Variants in NRXN1 observed in about 807,000 individuals in gnomAD.
NRXN1 encodes the protein neurexin 1.
In NRXN1, 39 loss-of-function variants were observed where a neutral mutation model predicts 150.9. The observed-to-expected ratio is 0.26, with a 90% CI of 0.20 to 0.34. The LOEUF is 0.34. NRXN1 is among the 10% of genes least tolerant of loss of function. The pLI is 1.00. For missense variants in NRXN1, 1,815 were observed against 1,949.9 expected (o/e 0.93, Z 1.30); for synonymous variants, 924 against 757.0 (o/e 1.22, Z -3.62).
At position 50,014,100 on chromosome 2, in the gene NRXN1, T is replaced by A. The variant is rs79204762; in HGVS notation, c.4128+39171A>T. Among the ~76,000 whole-genome samples the A allele has an allele frequency of 3.3e-5, 5 of 151,654 alleles. No homozygotes were observed. The East Asian group carries it at 5.8e-4, about 18-fold the overall frequency. The stretch of plus-strand genomic sequence containing the variant: ...GTGTCTAGACTAAAGAGCTTGTTTT[T>A]TTTTTGTTTTTGTTTTTGTTTTTAG... On this transcript the variant is annotated intron_variant, in intron 21 of 22. Transcript: ENST00000401669.
chr2:50,423,368 C>T (rs1572913826), intron 17 of NRXN1, among the ~76,000 whole-genome samples: 1 of 152,110 alleles, frequency 6.6e-6, no homozygotes, highest in African/African-American at 2.4e-5. Context: ...CCCTACCTTG[C>T]CTGACTTTTC....
At chr2:50,492,343 A>G (rs2091299178) in intron 15 of NRXN1, among the ~76,000 whole-genome samples, 1 of 152,198 alleles carries the variant, frequency 6.6e-6, no homozygotes, top group Non-Finnish European at 1.5e-5. Context: ...GTCATGAGAG[A>G]TAAGCTGAAC....
intron 5 of NRXN1, among the ~76,000 whole-genome samples, chr2:50,750,795 C>T (rs1331494596): frequency 6.6e-6 from 1 of 151,944 alleles, no homozygotes; most frequent in Non-Finnish European, 1.5e-5. Flanking sequence ...ATATGTTTCA[C>T]CTTTGTAGTT....
Position 49,942,625 on chromosome 2 carries a change from T to TATTATTATTA in NRXN1, c.4216+1078_4216+1079insTAATAATAAT, listed in dbSNP as rs1672198729. On this transcript the variant is annotated intron_variant, in intron 22 of 22. Transcript: ENST00000401669. Reference sequence around the variant, plus strand: ...ATTATTATTATTATTTTATTATTATTTTGAGACAAAATCCCACTCTGTCAC... The same window carrying TATTATTATTA: ...ATTATTATTATTATTTTATTATTATTATTATTATTATTGAGACAAAATCCCACTCTGTCAC... Among the ~76,000 whole-genome samples, 4 of 151,622 alleles carry TATTATTATTA rather than the reference T, an allele frequency of 2.6e-5. No individual in the cohort carries two copies. In the South Asian group the frequency reaches 8.3e-4, roughly 31 times the overall value.
At chr2:50,747,982 C>G (rs1047862839) in intron 5 of NRXN1, among the ~76,000 whole-genome samples, 17 of 152,230 alleles carry the variant, frequency 1.1e-4, no homozygotes, top group African/African-American at 4.1e-4. Context: ...CTGCTATGAC[C>G]AGCAGTCTCT....
At chr2:50,100,529 T>C (rs1041667029) in intron 18 of NRXN1, among the ~76,000 whole-genome samples, 10 of 152,146 alleles carry the variant, frequency 6.6e-5, no homozygotes, top group African/African-American at 2.2e-4. Flanking sequence ...CAATTTTGTT[T>C]CACTAATAAA....
Position 50,169,255 on chromosome 2 carries a change from C to T in NRXN1, c.3546+67534G>A, listed in dbSNP as rs566557290. ...AGTATTCAAAAGTAGGTAATTTGGC[C>T]AAAAGTGTCCACTCTTAATTATACC... On this transcript the variant is annotated intron_variant, in intron 18 of 22. Coordinates refer to ENST00000401669, the MANE Select transcript of NRXN1 (RefSeq NM_001330078.2). 3.9e-5 allele frequency among the ~76,000 whole-genome samples: 6 copies of T among 152,154 alleles called. No homozygotes were observed. The East Asian group carries it at 9.7e-4, about 24-fold the overall frequency.
intron 21 of NRXN1, among the ~76,000 whole-genome samples, chr2:50,049,501 T>A (rs1220033134): frequency 6.6e-6 from 1 of 152,192 alleles, no homozygotes; most frequent in African/African-American, 2.4e-5. Context: ...TCATTCATCA[T>A]GCTCTTTCCA....
At chr2:49,998,980 C>G (rs1371403558) in intron 21 of NRXN1, among the ~76,000 whole-genome samples, 1 of 152,092 alleles carries the variant, frequency 6.6e-6, no homozygotes, top group African/African-American at 2.4e-5. Context: ...AGGCAAATTA[C>G]CTTGTACTAG....
At chr2:50,118,254 G>A (rs1355094367) in intron 18 of NRXN1, among the ~76,000 whole-genome samples, 1 of 152,158 alleles carries the variant, frequency 6.6e-6, no homozygotes, top group Non-Finnish European at 1.5e-5. Flanking sequence ...CAGTAGATCT[G>A]GAGTGGGCCT....
At chr2:50,675,532 G>C (rs778004682) in intron 5 of NRXN1, among the ~76,000 whole-genome samples, 12 of 152,124 alleles carry the variant, frequency 7.9e-5, no homozygotes, top group Non-Finnish European at 1.6e-4. Context: ...ATTTGCATTT[G>C]GCCAGTGGAG....
intron 2 of NRXN1, among the ~76,000 whole-genome samples, chr2:50,936,267 AGAAC>A (rs1688532127): frequency 6.6e-6 from 1 of 152,196 alleles, no homozygotes; most frequent in African/African-American, 2.4e-5. Context: ...CCCTGGTATT[AGAAC>A]AACTTGAAAG....
intron 17 of NRXN1, among the ~76,000 whole-genome samples, chr2:50,354,554 C>CATACATAT (rs1553484596): frequency 1.0e-5 from 1 of 100,132 alleles, no homozygotes; most frequent in African/African-American, 4.0e-5. Context: ...AGAGTGCATA[C>CATACATAT]ATATATATAT....
intron 17 of NRXN1, among the ~76,000 whole-genome samples, chr2:50,326,230 T>C (rs2076376187): frequency 6.6e-6 from 1 of 152,192 alleles, no homozygotes; most frequent in African/African-American, 2.4e-5. Flanking sequence ...ATGAATTGAA[T>C]AAATGCCAGG....
chr2:50,886,706 G>A (rs749811157), intron 5 of NRXN1, among the ~76,000 whole-genome samples: 24 of 151,358 alleles, frequency 1.6e-4, no homozygotes, highest in Non-Finnish European at 2.7e-4. Flanking sequence ...CTGAGAAACA[G>A]TAAGCTGACT....
chr2:50,679,457 C>A (rs1690039319), intron 5 of NRXN1, among the ~76,000 whole-genome samples: 1 of 151,558 alleles, frequency 6.6e-6, no homozygotes, highest in African/African-American at 2.4e-5. Context: ...TTAGCTCTCC[C>A]AGAATCAAGA....
rs576465292 is a variant in NRXN1 at position 50,274,706 on chromosome 2, A to C, written c.3365-37736T>G. Among the ~76,000 whole-genome samples, 3 of 152,300 alleles carry C rather than the reference A, an allele frequency of 2.0e-5. No homozygotes were observed. The South Asian group carries it at 6.2e-4, about 32-fold the overall frequency. ...TATTGCCTCCATTTTTTAATCTCTA[A>C]AATGAGCATAGGCTGGCTGCCAAAG... On this transcript the variant is annotated intron_variant, in intron 17 of 22. Transcript: ENST00000401669.
chr2:50,241,336 G>C (rs951913629), intron 17 of NRXN1, among the ~76,000 whole-genome samples: 1 of 151,660 alleles, frequency 6.6e-6, no homozygotes, highest in Non-Finnish European at 1.5e-5. Context: ...ATATAAGTGA[G>C]TTAAATATGC....
intron 18 of NRXN1, among the ~76,000 whole-genome samples, chr2:50,145,601 G>T (rs1001994359): frequency 6.6e-6 from 1 of 151,636 alleles, no homozygotes; most frequent in African/African-American, 2.4e-5. Context: ...GGGAGAAGAA[G>T]GAAGAGATTC....
Sources: gnomAD v4.1 joint callset for allele counts (sites outside exome capture counted in the v4.1 genomes callset) on GRCh38, gnomAD v4.1.1 for gene constraint, MANE v1.5 for transcripts, NCBI Gene and HGNC (gene_info 2026-07-23, HGNC 2026-07-21) for gene names.